PPP6C: variants seen among roughly 807,000 people sequenced by gnomAD.
PPP6C encodes protein phosphatase 6 catalytic subunit.
In PPP6C, 11 loss-of-function variants were observed where a neutral mutation model predicts 39.8. The ratio of observed to expected loss-of-function variants is 0.28; its 90% CI spans 0.17 to 0.46. PPP6C has a LOEUF of 0.46. Ranked by LOEUF, PPP6C falls within the 20% of genes least tolerant of loss-of-function variation. PPP6C has a pLI of 1.00. For synonymous variants in PPP6C, 129 were observed against 130.3 expected (o/e 0.99, Z 0.07); for missense variants, 211 against 373.9 (o/e 0.56, Z 3.59).
chr9:125,155,963 T>C (rs1296502024), intron 4 of PPP6C, among the ~76,000 whole-genome samples: 1 of 151,682 alleles, frequency 6.6e-6, no homozygotes, highest in Non-Finnish European at 1.5e-5. Flanking sequence ...GTATTTTATA[T>C]ATTATACATG....
chr9:125,170,585 A>G (rs1829125541), intron 2 of PPP6C, among the ~76,000 whole-genome samples: 1 of 152,136 alleles, frequency 6.6e-6, no homozygotes, highest in African/African-American at 2.4e-5. Flanking sequence ...ATTGAGCTAA[A>G]TATTTTCTAG....
intron 1 of PPP6C, among the ~76,000 whole-genome samples, chr9:125,180,020 G>A (rs1408984851): frequency 1.3e-5 from 2 of 152,104 alleles, no homozygotes; most frequent in Non-Finnish European, 2.9e-5. Context: ...TCCCTTTGAA[G>A]GGTAAGAGTC....
intron 2 of PPP6C, among the ~76,000 whole-genome samples, chr9:125,169,416 C>G (rs1433740120): frequency 6.6e-6 from 1 of 152,186 alleles, no homozygotes; most frequent in Non-Finnish European, 1.5e-5. Context: ...AGGTTGGTCT[C>G]TAACTTTCTG....
At chr9:125,158,163 G>A in intron 4 of PPP6C, 78 bp downstream of exon 4, 2 of 1,374,542 alleles carry the variant, frequency 1.5e-6, no homozygotes, top group African/African-American at 2.9e-5. Flanking sequence ...CATAAAGCAT[G>A]TGTATGACTT....
At chr9:125,189,506 T>C in intron 1 of PPP6C, 138 bp downstream of exon 1, 1 of 1,468,288 alleles carries the variant, frequency 6.8e-7, no homozygotes. Context: ...TGACGCCGGG[T>C]AGGACCGGGT....
At position 125,147,127 on chromosome 9, in the gene PPP6C, AGTGAAACTTTTTG is replaced by A. The variant is rs1275636246; in HGVS notation, c.*2533_*2545del. On this transcript the variant is annotated 3_prime_UTR_variant, in exon 7 of 7. Transcript: ENST00000373547. ...GATCACACTCAAATGAATATAAAGT[AGTGAAACTTTTTG>A]GGGAAACACATTAACTTATAAAAAG... 1 of 152,220 alleles carries A rather than the reference AGTGAAACTTTTTG, an allele frequency of 6.6e-6. No individual in the cohort carries two copies. The highest frequency in any genetic ancestry group is 2.4e-5 in the African/African-American group (1 of 41,458). 9.4% of individuals were successfully genotyped at this position (152,220 alleles called of 1,614,324 possible).
chr9:125,183,673 A>G (rs909633231), intron 1 of PPP6C, among the ~76,000 whole-genome samples: 1 of 152,136 alleles, frequency 6.6e-6, no homozygotes, highest in Non-Finnish European at 1.5e-5. Flanking sequence ...GTTCTTGCAA[A>G]TTACATTATA....
intron 2 of PPP6C, among the ~76,000 whole-genome samples, chr9:125,167,252 G>A (rs533087947): frequency 4.0e-5 from 6 of 150,964 alleles, no homozygotes; most frequent in East Asian, 3.9e-4. Flanking sequence ...GTGGTGGTGC[G>A]TGCCTGTAGT....
At chr9:125,176,069 T>C (rs1339935136) in intron 1 of PPP6C, among the ~76,000 whole-genome samples, 1 of 152,126 alleles carries the variant, frequency 6.6e-6, no homozygotes, top group Admixed American at 6.6e-5. Flanking sequence ...GAAGCCTTAC[T>C]GATAAAGTGA....
At chr9:125,179,308 C>A (rs1357496441) in intron 1 of PPP6C, among the ~76,000 whole-genome samples, 1 of 151,988 alleles carries the variant, frequency 6.6e-6, no homozygotes, top group Non-Finnish European at 1.5e-5. Flanking sequence ...GGATCATCAT[C>A]TCATTCTCTT....
Position 125,167,379 on chromosome 9 carries a change from C to CAAA in PPP6C, c.171+3703_171+3705dup, listed in dbSNP as rs758123351. ...TTGGGTGACAGAGCGAGACCCTGTC[C>CAAA]AAAAAAAAAAAAAAAAAAAAGAAAT... On this transcript the variant is annotated intron_variant, in intron 2 of 6. Transcript: ENST00000373547. Among the ~76,000 whole-genome samples the CAAA allele has an allele frequency of 3.5e-3, 197 of 56,078 alleles. 5 individuals carry two copies. The highest frequency in any genetic ancestry group is 0.014 in the East Asian group (25 of 1,844). 36.8% of individuals were successfully genotyped at this position (56,078 alleles called of 152,430 possible).
intron 2 of PPP6C, among the ~76,000 whole-genome samples, chr9:125,166,061 T>A (rs2131319244): frequency 6.6e-6 from 1 of 152,250 alleles, no homozygotes; most frequent in African/African-American, 2.4e-5. Flanking sequence ...CCTCCCAAAG[T>A]GCTGGGATTG....
intron 6 of PPP6C, 28 bp downstream of exon 6, chr9:125,153,505 A>G (rs1781514202): frequency 6.2e-7 from 1 of 1,603,608 alleles, no homozygotes; most frequent in Admixed American, 1.7e-5. Flanking sequence ...CAATCCACAA[A>G]TTACATTTCC....
intron 2 of PPP6C, among the ~76,000 whole-genome samples, chr9:125,166,523 ATTTTTC>A (rs1185620019): frequency 5.0e-5 from 7 of 140,776 alleles, no homozygotes; most frequent in Non-Finnish European, 1.1e-4. Flanking sequence ...TTTCACAAGT[ATTTTTC>A]TTTTTCTTTT....
intron 1 of PPP6C, among the ~76,000 whole-genome samples, chr9:125,173,123 A>G (rs753383156): frequency 1.3e-5 from 2 of 152,024 alleles, no homozygotes; most frequent in Non-Finnish European, 2.9e-5. Flanking sequence ...TACTAAATAT[A>G]AAAATTAGGC....
intron 1 of PPP6C, among the ~76,000 whole-genome samples, chr9:125,175,719 C>T (rs1021436120): frequency 2.0e-5 from 3 of 151,370 alleles, no homozygotes; most frequent in Non-Finnish European, 2.9e-5. Context: ...GTTACTTAAT[C>T]TTAGCAACAG....
chr9:125,154,127 A>T, intron 4 of PPP6C, 142 bp from the exon 5 acceptor site: 1 of 652,664 alleles, frequency 1.5e-6, no homozygotes, highest in Admixed American at 2.9e-5. Context: ...TAGTCCTGCT[A>T]GGACCTCCAC....
chr9:125,172,714 CACACAA>C (rs1316918793), intron 1 of PPP6C, among the ~76,000 whole-genome samples: 9 of 64,932 alleles, frequency 1.4e-4, no homozygotes, highest in African/African-American at 4.2e-4. Context: ...GAACTGAATA[CACACAA>C]ACACACACAC....
intron 2 of PPP6C, among the ~76,000 whole-genome samples, chr9:125,167,389 A>AAAAAAAAAAAAAAAAAAAAAAAAAG (rs1554722081): frequency 1.4e-5 from 2 of 138,056 alleles, no homozygotes; most frequent in African/African-American, 5.5e-5. Flanking sequence ...CAAAAAAAAA[A>AAAAAAAAAAAAAAAAAAAAAAAAAG]AAAAAAAAAA....
Sources: gnomAD v4.1 joint callset for allele counts (sites outside exome capture counted in the v4.1 genomes callset) on GRCh38, gnomAD v4.1.1 for gene constraint, MANE v1.5 for transcripts, NCBI Gene and HGNC (gene_info 2026-07-23, HGNC 2026-07-21) for gene names.